The following RIMS2 variants were observed in gnomAD, a reference collection of about 807,000 sequenced individuals.
RIMS2 encodes regulating synaptic membrane exocytosis protein 2.
RIMS2 carries 59 observed loss-of-function variants against 174.4 expected under a neutral mutation model. That is an observed-to-expected ratio of 0.34 (90% CI 0.27 to 0.42). The LOEUF is 0.42. Ranked by LOEUF, RIMS2 falls within the 10% of genes least tolerant of loss-of-function variation. The probability of loss-of-function intolerance (pLI) is 1.00; values close to 1 mark genes in which losing one functional copy is unlikely to be tolerated. For synonymous variants in RIMS2, 606 were observed against 572.5 expected (o/e 1.06, Z -0.84); for missense variants, 1,620 against 1,666.3 (o/e 0.97, Z 0.48).
chr8:103,843,043 G>A (rs907702128), intron 3 of RIMS2, among the ~76,000 whole-genome samples: 18 of 152,118 alleles, frequency 1.2e-4, no homozygotes, highest in African/African-American at 4.1e-4. Context: ...ACCCACCCCA[G>A]TGGTCTTCTT....
chr8:103,523,102 G>T (rs1416329269), intron 1 of RIMS2, among the ~76,000 whole-genome samples: 1 of 151,800 alleles, frequency 6.6e-6, no homozygotes, highest in African/African-American at 2.4e-5. Context: ...TTATGTGTGT[G>T]TGTGCATGTG....
chr8:103,893,758 A>T (rs1376719833), intron 4 of RIMS2, among the ~76,000 whole-genome samples: 3 of 152,176 alleles, frequency 2.0e-5, no homozygotes, highest in Non-Finnish European at 2.9e-5. Flanking sequence ...TCTTTCATTG[A>T]TACTTTTTTT....
chr8:103,598,163 C>A (rs1369285796), intron 1 of RIMS2, among the ~76,000 whole-genome samples: 1 of 152,130 alleles, frequency 6.6e-6, no homozygotes, highest in Non-Finnish European at 1.5e-5. Context: ...TGGATCTGAA[C>A]TAAATCAGAT....
At chr8:103,601,386 C>T (rs994840034) in intron 1 of RIMS2, among the ~76,000 whole-genome samples, 10 of 152,070 alleles carry the variant, frequency 6.6e-5, no homozygotes, top group African/African-American at 2.2e-4. Context: ...ATAATTATAT[C>T]CTGTTGCTGG....
At chr8:103,797,163 C>T (rs970222394) in intron 3 of RIMS2, among the ~76,000 whole-genome samples, 2 of 152,076 alleles carry the variant, frequency 1.3e-5, no homozygotes, top group Non-Finnish European at 2.9e-5. Flanking sequence ...CTTGGCATAT[C>T]GGCCTAAATC....
chr8:104,136,836 T>A (rs2098524892), intron 19 of RIMS2, among the ~76,000 whole-genome samples: 1 of 151,910 alleles, frequency 6.6e-6, no homozygotes, highest in African/African-American at 2.4e-5. Flanking sequence ...ACAGGAAAAA[T>A]AACTAATGAG....
intron 19 of RIMS2, among the ~76,000 whole-genome samples, chr8:104,035,298 T>C (rs1394270043): frequency 6.6e-6 from 1 of 152,076 alleles, no homozygotes; most frequent in African/African-American, 2.4e-5. Flanking sequence ...TTTGCTGATA[T>C]ACTGTATGAT....
Position 103,989,431 on chromosome 8 carries a change from A to T in RIMS2, c.3044+10A>T. Reference sequence around the variant, plus strand: ...CTCCAGATAGAGACAGGTAAATATGATTAAATACTATTAGACCTTATTATT... The same window carrying T: ...CTCCAGATAGAGACAGGTAAATATGTTTAAATACTATTAGACCTTATTATT... On this transcript the variant is annotated intron_variant, in intron 17 of 23. Transcript: ENST00000504942. The T allele has an allele frequency of 7.6e-7, 1 of 1,317,588 alleles. No homozygotes were observed. The allele number at this position is 1,317,588 out of a possible 1,614,324, so 81.6% of individuals were successfully genotyped here. A position where few individuals can be genotyped will look rare whatever the true frequency, so the allele number is the denominator to read the frequency against.
intron 2 of RIMS2, among the ~76,000 whole-genome samples, chr8:103,746,320 A>G (rs960012640): frequency 6.6e-6 from 1 of 151,954 alleles, no homozygotes. Flanking sequence ...CCTTATGCCA[A>G]TATCTCAGTC....
At chr8:103,535,204 T>C (rs1214003639) in intron 1 of RIMS2, among the ~76,000 whole-genome samples, 1 of 152,236 alleles carries the variant, frequency 6.6e-6, no homozygotes, top group African/African-American at 2.4e-5. Context: ...ATGTAAGCAT[T>C]AGCTGTAGCA....
intron 3 of RIMS2, among the ~76,000 whole-genome samples, chr8:103,808,238 T>C (rs1462384009): frequency 6.6e-6 from 1 of 152,100 alleles, no homozygotes; most frequent in African/African-American, 2.4e-5. Flanking sequence ...TGTCTTTTAT[T>C]GTCTTCCGGG....
At chr8:103,772,401 A>G (rs2098263946) in intron 3 of RIMS2, among the ~76,000 whole-genome samples, 1 of 152,114 alleles carries the variant, frequency 6.6e-6, no homozygotes, top group Non-Finnish European at 1.5e-5. Context: ...CATTAAAAAT[A>G]CAAAATACAT....
chr8:103,954,961 A>G (rs925811924), intron 14 of RIMS2, among the ~76,000 whole-genome samples: 1 of 152,230 alleles, frequency 6.6e-6, no homozygotes, highest in Non-Finnish European at 1.5e-5. Context: ...ATCAGAGAAT[A>G]CTATAAACAC....
chr8:103,620,593 T>C (rs2095611786), intron 1 of RIMS2, among the ~76,000 whole-genome samples: 1 of 152,168 alleles, frequency 6.6e-6, no homozygotes, highest in Non-Finnish European at 1.5e-5. Flanking sequence ...TTGTGTAAGA[T>C]AGCTGAGTGC....
chr8:104,044,988 C>T (rs370757703), intron 19 of RIMS2, among the ~76,000 whole-genome samples: 2 of 151,738 alleles, frequency 1.3e-5, no homozygotes, highest in South Asian at 4.1e-4. Flanking sequence ...GAATGTATTT[C>T]ACCTGTTTAA....
intron 2 of RIMS2, among the ~76,000 whole-genome samples, chr8:103,745,301 T>A (rs2097798029): frequency 2.6e-5 from 4 of 152,222 alleles, no homozygotes; most frequent in African/African-American, 4.8e-5. Flanking sequence ...AGAATTAATA[T>A]TTTGTTTCTT....
In RIMS2 at chr8:104,195,551, G is replaced by C. The variant is rs150495377; in HGVS notation, c.3335-49365G>C. Among the ~76,000 whole-genome samples the C allele has an allele frequency of 4.7e-3, 638 of 136,700 alleles. 3 individuals are homozygous for C. Among genetic ancestry groups the C allele is most frequent in the African/African-American group, 0.016 (593 of 36,436 alleles). The allele number at this position is 136,700 out of a possible 152,430, so 89.7% of individuals were successfully genotyped here. ...TTTTTTTGAGAAAGAATCTCTCTCT[G>C]TCAGCCAGGCTGGAATGCAATGGCA... On this transcript the variant is annotated intron_variant, in intron 19 of 23. Transcript: ENST00000504942.
chr8:103,646,814 A>G (rs2096343448), intron 1 of RIMS2, among the ~76,000 whole-genome samples: 1 of 152,084 alleles, frequency 6.6e-6, no homozygotes, highest in African/African-American at 2.4e-5. Flanking sequence ...TCCTATTTGA[A>G]TAGCATTTAT....
At chr8:104,001,685 A>G (rs1407650445) in intron 17 of RIMS2, among the ~76,000 whole-genome samples, 1 of 151,658 alleles carries the variant, frequency 6.6e-6, no homozygotes, top group East Asian at 1.9e-4. Flanking sequence ...CTTCCCTCTG[A>G]CCTCCATCCC....
Sources: gnomAD v4.1 joint callset for allele counts (sites outside exome capture counted in the v4.1 genomes callset) on GRCh38, gnomAD v4.1.1 for gene constraint, MANE v1.5 for transcripts, NCBI Gene and HGNC (gene_info 2026-07-23, HGNC 2026-07-21) for gene names.